RNF217: variants seen among roughly 807,000 people sequenced by gnomAD.
The protein encoded by RNF217 is E3 ubiquitin-protein ligase RNF217.
RNF217 carries 31 observed loss-of-function variants against 57.8 expected under a neutral mutation model. That is an observed-to-expected ratio of 0.54 (90% CI 0.40 to 0.72). The LOEUF is 0.72. Ranked by LOEUF, RNF217 falls within the 30% of genes least tolerant of loss-of-function variation. The pLI is 0.00. For missense variants in RNF217, 696 were observed against 708.3 expected (o/e 0.98, Z 0.20); for synonymous variants, 313 against 294.0 (o/e 1.06, Z -0.66).
chr6:125,077,744 G>C (rs544215926), intron 4 of RNF217, among the ~76,000 whole-genome samples: 1 of 152,040 alleles, frequency 6.6e-6, no homozygotes, highest in African/African-American at 2.4e-5. Flanking sequence ...TTTTCTGGCC[G>C]TGTTTCTCAT....
rs368469313 is a variant in RNF217, at chr6:125,052,284, TTGTGTGTGTGTG to T, written c.1117-5633_1117-5622del. Among the ~76,000 whole-genome samples the T allele has an allele frequency of 5.4e-3, 776 of 143,218 alleles. 3 individuals are homozygous for T. The highest frequency in any genetic ancestry group is 0.019 in the African/African-American group (730 of 38,956). The allele number at this position is 143,218 out of a possible 152,430, so 94.0% of individuals were successfully genotyped here. Reference sequence around the variant, plus strand: ...AATATAGCTTACCTTGTCATGCGTTTTGTGTGTGTGTGTGTGTGTGTGTGTGTGTGTGTGTGG... The same window carrying T: ...AATATAGCTTACCTTGTCATGCGTTTTGTGTGTGTGTGTGTGTGTGTGTGG... On this transcript the variant is annotated intron_variant, in intron 2 of 5. Coordinates refer to ENST00000521654, the MANE Select transcript of RNF217 (RefSeq NM_001286398.3).
intron 1 of RNF217, among the ~76,000 whole-genome samples, chr6:124,999,273 G>A (rs922926214): frequency 6.6e-6 from 1 of 152,094 alleles, no homozygotes; most frequent in South Asian, 2.1e-4. Context: ...GTTTCTAACC[G>A]CAGGTGCACA....
At chr6:125,035,802 T>C (rs1254855182) in intron 1 of RNF217, among the ~76,000 whole-genome samples, 1 of 152,110 alleles carries the variant, frequency 6.6e-6, no homozygotes, top group Non-Finnish European at 1.5e-5. Context: ...AGTTACAGTC[T>C]ACCTGGTTTG....
chr6:125,079,224 C>T (rs1247427791), intron 4 of RNF217, among the ~76,000 whole-genome samples: 1 of 152,066 alleles, frequency 6.6e-6, no homozygotes, highest in Admixed American at 6.6e-5. Context: ...GGGCATCTCC[C>T]CCAGTGAGGC....
intron 2 of RNF217, among the ~76,000 whole-genome samples, chr6:125,057,626 T>C (rs776983380): frequency 1.3e-4 from 20 of 152,148 alleles, no homozygotes; most frequent in Non-Finnish European, 2.9e-4. Flanking sequence ...AGTGTGTGGA[T>C]TTGGGGCCTT....
At chr6:124,967,723 C>T (rs958217950) in intron 1 of RNF217, among the ~76,000 whole-genome samples, 6 of 152,110 alleles carry the variant, frequency 3.9e-5, no homozygotes, top group African/African-American at 1.4e-4. Flanking sequence ...GCTTATATAT[C>T]CTATTATTAA....
At chr6:125,035,549 T>A (rs1786573213) in intron 1 of RNF217, among the ~76,000 whole-genome samples, 1 of 152,256 alleles carries the variant, frequency 6.6e-6, no homozygotes, top group Non-Finnish European at 1.5e-5. Context: ...GTTCTTTATA[T>A]GTTCTGGATA....
At chr6:125,027,196 G>A (rs1007094445) in intron 1 of RNF217, among the ~76,000 whole-genome samples, 1 of 152,048 alleles carries the variant, frequency 6.6e-6, no homozygotes, top group Admixed American at 6.6e-5. Flanking sequence ...ACACAATTAA[G>A]TTATTATTGA....
At chr6:124,965,085 TAGTTTTAGGA>T (rs1783486299) in intron 1 of RNF217, among the ~76,000 whole-genome samples, 1 of 152,134 alleles carries the variant, frequency 6.6e-6, no homozygotes, top group Admixed American at 6.5e-5. Context: ...CCTCATAAGT[TAGTTTTAGGA>T]AGTTTTAGTA....
intron 4 of RNF217, among the ~76,000 whole-genome samples, chr6:125,080,613 A>G (rs1159475752): frequency 6.6e-6 from 1 of 152,078 alleles, no homozygotes; most frequent in Non-Finnish European, 1.5e-5. Flanking sequence ...GGTTTAAAAT[A>G]CAATAACAAC....
chr6:125,045,357 C>G lies in RNF217; in HGVS notation c.1029C>G (p.Thr343=). The part of the protein sequence containing the change: ...FLELGRIDSS[T]KPCPQCKHFT... ...AACTTGGCCGTATTGATTCCAGCAC[C>G]AAGCCATGTCCTCAGTGCAAGCACT... is the stretch of plus-strand genomic sequence containing the variant. Residue 343 remains threonine (T), a synonymous_variant, in exon 2 of 6, where the codon ACC becomes ACG. Coordinates refer to ENST00000521654, the MANE Select transcript of RNF217 (RefSeq NM_001286398.3). 1 of 1,613,414 alleles carries G rather than the reference C, an allele frequency of 6.2e-7. No individual in the cohort carries two copies. The highest frequency in any genetic ancestry group is 8.5e-7 in the Non-Finnish European group (1 of 1,179,650).
intron 1 of RNF217, among the ~76,000 whole-genome samples, chr6:124,968,293 T>G (rs1418729252): frequency 2.0e-5 from 3 of 152,092 alleles, no homozygotes; most frequent in Non-Finnish European, 4.4e-5. Flanking sequence ...AAAGTGGGAA[T>G]TAAGGCATAT....
intron 1 of RNF217, among the ~76,000 whole-genome samples, chr6:125,007,568 A>G (rs972390079): frequency 3.9e-5 from 6 of 152,166 alleles, no homozygotes; most frequent in Non-Finnish European, 8.8e-5. Context: ...TTTTAAACAT[A>G]GTTATTTTAA....
At chr6:124,996,567 C>T (rs947133107) in intron 1 of RNF217, 9 of 152,060 alleles carry the variant, frequency 5.9e-5, no homozygotes, top group African/African-American at 2.2e-4. Context: ...TGAATTCTGT[C>T]CCCACAGCTC....
intron 1 of RNF217, among the ~76,000 whole-genome samples, chr6:124,970,971 G>A (rs937267883): frequency 1.3e-5 from 2 of 152,306 alleles, no homozygotes; most frequent in Admixed American, 1.3e-4. Flanking sequence ...TGTGAGCAGT[G>A]CTGTTTTCAT....
In RNF217 at chr6:125,083,417, G is replaced by A. The variant is rs1358468514; in HGVS notation, c.*480G>A. 1.3e-5 allele frequency: 2 copies of A among 152,168 alleles called. No individual in the cohort carries two copies. Among genetic ancestry groups the A allele is most frequent in the African/African-American group, 4.8e-5 (2 of 41,402 alleles). 9.4% of individuals were successfully genotyped at this position (152,168 alleles called of 1,614,324 possible). A position where few individuals can be genotyped will look rare whatever the true frequency, so the allele number is the denominator to read the frequency against. Reference sequence around the variant, plus strand: ...CTGAATGCACCTATTATAATCTGTGGCCCCAGCAGTATAATTCTTTTATCT... The same window carrying A: ...CTGAATGCACCTATTATAATCTGTGACCCCAGCAGTATAATTCTTTTATCT... On this transcript the variant is annotated 3_prime_UTR_variant, in exon 6 of 6. Coordinates refer to ENST00000521654, the MANE Select transcript of RNF217 (RefSeq NM_001286398.3).
chr6:125,014,029 G>T (rs189680951), intron 1 of RNF217, among the ~76,000 whole-genome samples: 1 of 152,132 alleles, frequency 6.6e-6, no homozygotes, highest in East Asian at 1.9e-4. Flanking sequence ...TTGTCTGCCT[G>T]TTGTTCTCTG....
intron 1 of RNF217, among the ~76,000 whole-genome samples, chr6:125,037,055 T>G (rs1382484464): frequency 2.0e-5 from 3 of 150,766 alleles, no homozygotes; most frequent in East Asian, 3.9e-4. Flanking sequence ...TAATGGATAT[T>G]AAACCAACAG....
intron 4 of RNF217, among the ~76,000 whole-genome samples, chr6:125,078,793 C>G (rs1788468848): frequency 2.0e-5 from 3 of 152,256 alleles, no homozygotes; most frequent in African/African-American, 7.2e-5. Flanking sequence ...AAGATAAACT[C>G]TCTCATCCAC....
Sources: allele counts gnomAD v4.1 joint callset (sites outside exome capture counted in the v4.1 genomes callset), GRCh38; gene constraint gnomAD v4.1.1; transcripts MANE v1.5; gene names NCBI Gene and HGNC (gene_info 2026-07-23, HGNC 2026-07-21).